Variants in ANO1 observed in about 807,000 individuals in gnomAD.
ANO1 encodes the protein anoctamin-1.
In ANO1, 59 loss-of-function variants were observed where a neutral mutation model predicts 124.0. The ratio of observed to expected loss-of-function variants is 0.48; its 90% CI spans 0.39 to 0.59. ANO1 has a LOEUF of 0.59. Ranked by LOEUF, ANO1 falls within the 20% of genes least tolerant of loss-of-function variation. The pLI is 0.00. For missense variants in ANO1, 1,059 were observed against 1,328.0 expected (o/e 0.80, Z 3.15); for synonymous variants, 529 against 532.0 (o/e 0.99, Z 0.08).
intron 1 of ANO1, among the ~76,000 whole-genome samples, chr11:70,032,887 G>A (rs1386636327): frequency 6.6e-6 from 1 of 150,926 alleles, no homozygotes; most frequent in African/African-American, 2.4e-5. Flanking sequence ...AGAGAAGGAG[G>A]GAGAGAGAGA....
At chr11:70,180,214 G>A (rs780412908) in intron 23 of ANO1, among the ~76,000 whole-genome samples, 158 bp downstream of exon 23, 23 of 152,220 alleles carry the variant, frequency 1.5e-4, no homozygotes, top group Admixed American at 2.6e-4. Flanking sequence ...TCCCTTGACC[G>A]CATGGCATGG....
chr11:70,119,173 A>T (rs901798041), intron 8 of ANO1, among the ~76,000 whole-genome samples: 1 of 127,950 alleles, frequency 7.8e-6, no homozygotes, highest in Non-Finnish European at 1.6e-5. Context: ...ATGATGGATG[A>T]TGGGTGGGTG....
chr11:70,123,244 G>A (rs1241141440), intron 8 of ANO1, among the ~76,000 whole-genome samples: 3 of 152,168 alleles, frequency 2.0e-5, no homozygotes, highest in African/African-American at 7.2e-5. Context: ...TGGTGGTTTC[G>A]GGGGGCTGTG....
At chr11:70,006,124 C>T (rs1202956658) in intron 1 of ANO1, among the ~76,000 whole-genome samples, 1 of 152,274 alleles carries the variant, frequency 6.6e-6, no homozygotes, top group Middle Eastern at 3.4e-3. Flanking sequence ...ACACACCTAC[C>T]CAGCTGTCTT....
At chr11:70,146,817 A>G (rs1565248014) in intron 11 of ANO1, among the ~76,000 whole-genome samples, 1 of 152,226 alleles carries the variant, frequency 6.6e-6, no homozygotes, top group Non-Finnish European at 1.5e-5. Flanking sequence ...GTTCAAGGGC[A>G]GGAAGCATCC....
chr11:70,113,738 G>A (rs150427416), intron 7 of ANO1, among the ~76,000 whole-genome samples: 20 of 152,116 alleles, frequency 1.3e-4, no homozygotes, highest in African/African-American at 4.8e-4. Flanking sequence ...AAAAGGGAAA[G>A]GGGAGAAATG....
intron 4 of ANO1, 144 bp from the exon 5 acceptor site, chr11:70,105,590 G>A (rs117758111): frequency 0.022 from 15,872 of 714,914 alleles, 284 homozygotes; most frequent in Non-Finnish European, 0.025. Context: ...AGGGGCGGAC[G>A]GGTCATACCT....
intron 1 of ANO1, among the ~76,000 whole-genome samples, chr11:70,011,486 T>A (rs1555001116): frequency 1.1e-4 from 17 of 152,142 alleles, no homozygotes. Flanking sequence ...CAGAATCTTT[T>A]CACATCACCC....
At chr11:70,181,778 GA>G (rs537090488) in intron 23 of ANO1, among the ~76,000 whole-genome samples, 351 of 139,402 alleles carry the variant, frequency 2.5e-3, no homozygotes, top group Admixed American at 2.5e-3. Context: ...CTCTCTCTCT[GA>G]AAAAAAAAAA....
At chr11:70,112,173 T>C (rs944535813) in intron 7 of ANO1, among the ~76,000 whole-genome samples, 7 of 152,330 alleles carry the variant, frequency 4.6e-5, no homozygotes, top group Admixed American at 4.6e-4. Context: ...AATCTCCAGA[T>C]CCCACTGGTA....
intron 1 of ANO1, among the ~76,000 whole-genome samples, chr11:70,066,947 T>C (rs544502097): frequency 6.6e-6 from 1 of 152,190 alleles, no homozygotes; most frequent in East Asian, 1.9e-4. Flanking sequence ...CAAAACAAAC[T>C]TGAAAAAGCA....
At chr11:69,969,434 G>T in the ANO1 span, among the ~76,000 whole-genome samples, 1 of 152,174 alleles carries the variant, frequency 6.6e-6, no homozygotes, top group Non-Finnish European at 1.5e-5. Context: ...CTCCTGGAAG[G>T]ACTGGAGTCA....
At chr11:70,080,125 C>T (rs998041559) in intron 1 of ANO1, among the ~76,000 whole-genome samples, 1 of 152,242 alleles carries the variant, frequency 6.6e-6, no homozygotes, top group Non-Finnish European at 1.5e-5. Context: ...TGGAACGTTA[C>T]CCGTTATCCA....
chr11:70,080,072 A>G (rs2044157691), intron 1 of ANO1, among the ~76,000 whole-genome samples: 3 of 152,392 alleles, frequency 2.0e-5, no homozygotes, highest in Admixed American at 1.3e-4. Flanking sequence ...AGAATGAGAC[A>G]GGGAAGGCTC....
Position 70,126,208 on chromosome 11 carries a change from C to G in ANO1, c.1097+13C>G, listed in dbSNP as rs1565226819. ...AAAACATCCCCAGGTAGGCGGCAGC[C>G]CACCCCCACCACCCCGCAGTACACA... On this transcript the variant is annotated intron_variant, in intron 10 of 25. Coordinates refer to ENST00000355303, the MANE Select transcript of ANO1 (RefSeq NM_018043.7). The G allele has an allele frequency of 6.2e-7, 1 of 1,607,484 alleles. No homozygotes were observed.
rs141944651 is a variant in ANO1, at chr11:70,178,706, G to A, written c.2351-1298G>A. Among the ~76,000 whole-genome samples the A allele has an allele frequency of 2.5e-3, 383 of 152,290 alleles. 4 individuals carry two copies. The East Asian group carries it at 0.028, about 11-fold the overall frequency. On this transcript the variant is annotated intron_variant, in intron 22 of 25. Transcript: ENST00000355303. ...AGCCTTCTGAGTAGCTGGGATTACAGGCATGTGCCACGACGCCTGGCTAAT... is the reference window on the plus strand; with the variant it reads ...AGCCTTCTGAGTAGCTGGGATTACAAGCATGTGCCACGACGCCTGGCTAAT...
chr11:69,981,727 C>A (rs1341756683), upstream of ANO1, among the ~76,000 whole-genome samples: 1 of 152,260 alleles, frequency 6.6e-6, no homozygotes, highest in Non-Finnish European at 1.5e-5. Context: ...CACCCCAGCC[C>A]CTGCAGGCGC....
At chr11:70,023,261 C>T (rs1188597558) in intron 1 of ANO1, among the ~76,000 whole-genome samples, 2 of 152,188 alleles carry the variant, frequency 1.3e-5, no homozygotes, top group Non-Finnish European at 2.9e-5. Flanking sequence ...CATTGTTGGA[C>T]CGGCATGTGT....
intron 11 of ANO1, among the ~76,000 whole-genome samples, chr11:70,139,571 A>G (rs1393971423): frequency 2.0e-5 from 3 of 151,422 alleles, no homozygotes; most frequent in African/African-American, 4.9e-5. Flanking sequence ...TGATCTGCCT[A>G]CCTCAGCCTC....
Sources: gnomAD v4.1 joint callset for allele counts (sites outside exome capture counted in the v4.1 genomes callset) on GRCh38, gnomAD v4.1.1 for gene constraint, MANE v1.5 for transcripts, NCBI Gene and HGNC (gene_info 2026-07-23, HGNC 2026-07-21) for gene names.